Variants in CACNA2D1 observed in about 807,000 individuals in gnomAD.
CACNA2D1 encodes voltage-dependent calcium channel subunit alpha-2/delta-1.
In CACNA2D1, 53 loss-of-function variants were observed where a neutral mutation model predicts 171.5. The observed-to-expected ratio is 0.31, with a 90% confidence interval of 0.25 to 0.39. The LOEUF (loss-of-function observed/expected upper bound fraction) is 0.39, where lower values mean the gene tolerates loss of function less well. Among genes scored for constraint, CACNA2D1 ranks in the 10% least tolerant of loss-of-function variants. CACNA2D1 has a pLI of 1.00. For missense variants in CACNA2D1, 903 were observed against 1,299.8 expected, an observed-to-expected ratio of 0.69 and a Z score of 4.69; for synonymous variants, 442 against 443.1, an observed-to-expected ratio of 1.00 and a Z score of 0.03.
At chr7:82,227,361 A>C (rs1416311804) in intron 3 of CACNA2D1, among the ~76,000 whole-genome samples, 1 of 152,198 alleles carries the variant, frequency 6.6e-6, no homozygotes, top group African/African-American at 2.4e-5. Flanking sequence ...ATAGAAAATA[A>C]ATTGTATAAT....
chr7:82,401,827 T>C (rs929322758), intron 1 of CACNA2D1, among the ~76,000 whole-genome samples: 5 of 152,154 alleles, frequency 3.3e-5, no homozygotes, highest in Non-Finnish European at 5.9e-5. Flanking sequence ...TCCATCCTAG[T>C]AAAACACACA....
chr7:82,226,723 G>C (rs1802403768), intron 3 of CACNA2D1, among the ~76,000 whole-genome samples: 1 of 152,160 alleles, frequency 6.6e-6, no homozygotes, highest in South Asian at 2.1e-4. Context: ...AGAAGAGATT[G>C]ATCCTATAAT....
rs549577995 is a variant in CACNA2D1, at chr7:82,090,431, A to G, written c.527-5531T>C. 6.6e-5 allele frequency among the ~76,000 whole-genome samples: 10 copies of G among 152,264 alleles called. No homozygotes were observed. In the South Asian group the frequency reaches 2.1e-3, roughly 32 times the overall value. On this transcript the variant is annotated intron_variant, in intron 6 of 38. Transcript: ENST00000356860. Reference sequence around the variant, plus strand: ...TTTGTTTAACAATACCAAATATCATACAGTTAAATAAGAGAACAAGCAAAA... The same window carrying G: ...TTTGTTTAACAATACCAAATATCATGCAGTTAAATAAGAGAACAAGCAAAA...
At position 82,418,919 on chromosome 7, in the gene CACNA2D1, T is replaced by C. The variant is rs571296844; in HGVS notation, c.95+24446A>G. On this transcript the variant is annotated intron_variant, in intron 1 of 38. Transcript: ENST00000356860. ...GGATCACGAGGTCAGGAGATCGAGA[T>C]CACGGTGAAACCCCGTCTCTACTAA... Among the ~76,000 whole-genome samples, 15 of 151,704 alleles carry C rather than the reference T, an allele frequency of 9.9e-5. No individual in the cohort carries two copies. In the South Asian group the frequency reaches 3.1e-3, roughly 32 times the overall value.
At chr7:82,334,637 C>T (rs891570967) in intron 3 of CACNA2D1, among the ~76,000 whole-genome samples, 2 of 151,948 alleles carry the variant, frequency 1.3e-5, no homozygotes, top group Non-Finnish European at 2.9e-5. Context: ...TAAAGAATAA[C>T]TTGTTTAGCA....
At chr7:82,417,444 T>C (rs1236473226) in intron 1 of CACNA2D1, among the ~76,000 whole-genome samples, 2 of 152,238 alleles carry the variant, frequency 1.3e-5, no homozygotes, top group Admixed American at 1.3e-4. Context: ...TTTAATAGCA[T>C]ACTCGTTATC....
intron 12 of CACNA2D1, among the ~76,000 whole-genome samples, chr7:82,019,593 T>A (rs1800939320): frequency 6.6e-6 from 1 of 152,192 alleles, no homozygotes; most frequent in South Asian, 2.1e-4. Flanking sequence ...CTTCTGCTAA[T>A]CTGTTTTTGT....
At chr7:82,230,467 A>C (rs1411271470) in intron 3 of CACNA2D1, among the ~76,000 whole-genome samples, 1 of 152,212 alleles carries the variant, frequency 6.6e-6, no homozygotes, top group Non-Finnish European at 1.5e-5. Context: ...TCTTTTGCCA[A>C]TCTGCACATT....
At chr7:82,333,804 A>T (rs2129444154) in intron 3 of CACNA2D1, among the ~76,000 whole-genome samples, 1 of 152,256 alleles carries the variant, frequency 6.6e-6, no homozygotes, top group Non-Finnish European at 1.5e-5. Context: ...GACTAAAATT[A>T]TATACTCATA....
At chr7:82,138,426 G>GTTTTTTTT (rs1159205363) in intron 4 of CACNA2D1, among the ~76,000 whole-genome samples, 1 of 101,312 alleles carries the variant, frequency 9.9e-6, no homozygotes, top group African/African-American at 3.8e-5. Flanking sequence ...TATAGCATTA[G>GTTTTTTTT]TTTTGTTTTT....
chr7:82,197,511 G>A (rs1446918495), intron 3 of CACNA2D1, among the ~76,000 whole-genome samples: 2 of 151,924 alleles, frequency 1.3e-5, no homozygotes, highest in South Asian at 2.1e-4. Flanking sequence ...CTAGTATATG[G>A]GGCTGAGAAA....
chr7:82,279,897 A>G (rs1190319992), intron 3 of CACNA2D1, among the ~76,000 whole-genome samples: 2 of 152,156 alleles, frequency 1.3e-5, no homozygotes, highest in African/African-American at 4.8e-5. Context: ...GGTAATTTTC[A>G]CACAATCTGG....
chr7:82,126,894 T>C (rs1563086395), intron 5 of CACNA2D1, among the ~76,000 whole-genome samples: 2 of 152,206 alleles, frequency 1.3e-5, no homozygotes. Flanking sequence ...CTGGCAATAT[T>C]CTTTGTCTCA....
At chr7:81,992,635 A>C (rs1172294057) in intron 20 of CACNA2D1, among the ~76,000 whole-genome samples, 1 of 152,310 alleles carries the variant, frequency 6.6e-6, no homozygotes, top group Admixed American at 6.5e-5. Context: ...AGAGAAATAA[A>C]AATGTAAGTT....
intron 6 of CACNA2D1, among the ~76,000 whole-genome samples, chr7:82,110,573 T>C (rs1022597372): frequency 6.6e-6 from 1 of 152,218 alleles, no homozygotes; most frequent in Non-Finnish European, 1.5e-5. Flanking sequence ...CATAGGGCTG[T>C]GGCTGACATG....
rs191801030 is a variant in CACNA2D1 at position 82,148,297 on chromosome 7, A to G, written c.355-11621T>C. Among the ~76,000 whole-genome samples, 213 of 152,232 alleles carry G rather than the reference A, an allele frequency of 1.4e-3. 3 individuals carry two copies. The highest frequency in any genetic ancestry group is 0.014 in the Admixed American group (210 of 15,282). On this transcript the variant is annotated intron_variant, in intron 4 of 38. Coordinates refer to ENST00000356860, the MANE Select transcript of CACNA2D1 (RefSeq NM_000722.4). ...TGATTTTACATATAAGACAAAACTAAGAAGTCTAAATGATGAGGCATAGTT... is the reference window on the plus strand; with the variant it reads ...TGATTTTACATATAAGACAAAACTAGGAAGTCTAAATGATGAGGCATAGTT...
chr7:82,211,075 C>A (rs1337687365), intron 3 of CACNA2D1, among the ~76,000 whole-genome samples: 2 of 152,118 alleles, frequency 1.3e-5, no homozygotes, highest in Admixed American at 1.3e-4. Flanking sequence ...TATATGTTTT[C>A]ATTTTCTATC....
intron 3 of CACNA2D1, among the ~76,000 whole-genome samples, chr7:82,314,660 G>A (rs1194066998): frequency 1.3e-5 from 2 of 151,898 alleles, no homozygotes; most frequent in Admixed American, 6.6e-5. Flanking sequence ...AATTTACATT[G>A]TTCATATTTG....
At chr7:82,399,333 G>A (rs1442567054) in intron 1 of CACNA2D1, among the ~76,000 whole-genome samples, 1 of 151,714 alleles carries the variant, frequency 6.6e-6, no homozygotes, top group South Asian at 2.1e-4. Flanking sequence ...CCAGCTACTC[G>A]AGAGGCTCAG....
Sources: gnomAD v4.1 joint callset for allele counts (sites outside exome capture counted in the v4.1 genomes callset) on GRCh38, gnomAD v4.1.1 for gene constraint, MANE v1.5 for transcripts, NCBI Gene and HGNC (gene_info 2026-07-23, HGNC 2026-07-21) for gene names.